HERC2: variants seen among roughly 807,000 people sequenced by gnomAD.
HERC2 encodes the protein E3 ubiquitin-protein ligase HERC2.
Under a neutral mutation model 537.7 loss-of-function variants are expected in HERC2, and 102 were observed. The ratio of observed to expected loss-of-function variants is 0.19; its 90% CI spans 0.16 to 0.22. The LOEUF is 0.22. Ranked by LOEUF, HERC2 falls within the 10% of genes least tolerant of loss-of-function variation. The pLI, the probability that HERC2 is intolerant of heterozygous loss-of-function variation, is 1.00. For missense variants in HERC2, 4,236 were observed against 6,198.2 expected, an observed-to-expected ratio of 0.68 and a Z score of 10.63; for synonymous variants, 2,224 against 2,466.2, an observed-to-expected ratio of 0.90 and a Z score of 2.91.
intron 2 of HERC2, among the ~76,000 whole-genome samples, chr15:28,303,492 C>T (rs1241166801): frequency 6.6e-6 from 1 of 152,160 alleles, no homozygotes; most frequent in African/African-American, 2.4e-5. Context: ...GCAATTTCTC[C>T]AGTTTTGTTT....
chr15:28,270,968 T>C, intron 9 of HERC2, 100 bp from the exon 10 acceptor site: 1 of 955,644 alleles, frequency 1.0e-6, no homozygotes, highest in Non-Finnish European at 1.6e-6. Context: ...ATTGACTCAT[T>C]TGACCCATCA....
At chr15:28,287,987 G>A (rs2076206750) in intron 4 of HERC2, among the ~76,000 whole-genome samples, 1 of 152,048 alleles carries the variant, frequency 6.6e-6, no homozygotes, top group South Asian at 2.1e-4. Flanking sequence ...GCCTCCCAAA[G>A]TGCTGGGATT....
At chr15:28,281,164 T>C (rs937391362) in intron 4 of HERC2, among the ~76,000 whole-genome samples, 2 of 152,158 alleles carry the variant, frequency 1.3e-5, no homozygotes, top group Admixed American at 1.3e-4. Flanking sequence ...TGATATTTCA[T>C]TATATTATTC....
At chr15:28,159,423 GT>G (rs1187645019) in intron 69 of HERC2, among the ~76,000 whole-genome samples, 1 of 152,142 alleles carries the variant, frequency 6.6e-6, no homozygotes, top group East Asian at 1.9e-4. Flanking sequence ...TTTCTTGGAG[GT>G]TTTGTTCATT....
chr15:28,293,337 C>G (rs991916745), intron 3 of HERC2, among the ~76,000 whole-genome samples: 1 of 151,734 alleles, frequency 6.6e-6, no homozygotes, highest in Non-Finnish European at 1.5e-5. Context: ...ACTAAAAATA[C>G]AAAAAATTAG....
intron 69 of HERC2, among the ~76,000 whole-genome samples, chr15:28,158,233 C>CTGTA (rs763036039): frequency 4.6e-5 from 7 of 152,124 alleles, no homozygotes; most frequent in African/African-American, 7.2e-5. Flanking sequence ...GTGGAGAGTT[C>CTGTA]TGTAGATGTC....
At chr15:28,161,645 T>C (rs1350674584) in intron 69 of HERC2, among the ~76,000 whole-genome samples, 1 of 152,258 alleles carries the variant, frequency 6.6e-6, no homozygotes, top group Non-Finnish European at 1.5e-5. Context: ...GTTCCTCAGG[T>C]GCACTAGCCA....
At chr15:28,270,401 C>T (rs2075689712) in intron 10 of HERC2, among the ~76,000 whole-genome samples, 1 of 152,042 alleles carries the variant, frequency 6.6e-6, no homozygotes, top group African/African-American at 2.4e-5. Context: ...GTGGAACCCC[C>T]TGCAGAAGGT....
At chr15:28,139,234 T>C (rs953336527) in intron 78 of HERC2, among the ~76,000 whole-genome samples, 1 of 152,202 alleles carries the variant, frequency 6.6e-6, no homozygotes, top group Non-Finnish European at 1.5e-5. Context: ...ATGAGCAGAA[T>C]AGGGCAAGAA....
At chr15:28,207,363 T>A (rs948244019) in intron 44 of HERC2, among the ~76,000 whole-genome samples, 3 of 152,188 alleles carry the variant, frequency 2.0e-5, no homozygotes, top group African/African-American at 7.2e-5. Context: ...CTCGAACTCC[T>A]GACCTCAGGT....
chr15:28,150,759 C>T (rs116842964), intron 70 of HERC2, among the ~76,000 whole-genome samples: 3,374 of 151,500 alleles, frequency 0.022, 64 homozygotes, highest in Middle Eastern at 0.12. Flanking sequence ...GCCACACGAA[C>T]GTATATTCTA....
At chr15:28,175,739 C>T in intron 63 of HERC2, 83 bp from the exon 64 acceptor site, 7 of 1,379,984 alleles carry the variant, frequency 5.1e-6, no homozygotes, top group Non-Finnish European at 3.1e-6. Context: ...TGTCTCACAT[C>T]TTTCACAGCC....
At chr15:28,164,395 T>C (rs1340451467) in intron 68 of HERC2, among the ~76,000 whole-genome samples, 1 of 152,230 alleles carries the variant, frequency 6.6e-6, no homozygotes, top group Non-Finnish European at 1.5e-5. Flanking sequence ...TGCTCCTGCC[T>C]CTGCATGGAG....
At chr15:28,161,803 T>C (rs915475535) in intron 69 of HERC2, among the ~76,000 whole-genome samples, 4 of 152,300 alleles carry the variant, frequency 2.6e-5, no homozygotes, top group Middle Eastern at 3.4e-3. Context: ...TAAAATACCA[T>C]AGTATCAGAA....
At position 28,271,400 on chromosome 15, in the gene HERC2, C is replaced by T. The variant is rs144004939; in HGVS notation, c.1084-532G>A. On this transcript the variant is annotated intron_variant, in intron 9 of 92. Coordinates refer to ENST00000261609, the MANE Select transcript of HERC2 (RefSeq NM_004667.6). The stretch of plus-strand genomic sequence containing the variant: ...ATAATAGGCTGGGCATGGTGGCTCA[C>T]GCCTGTAATCCCAGCACTTTGGGAG... Among the ~76,000 whole-genome samples, 61 of 152,316 alleles carry T rather than the reference C, an allele frequency of 4.0e-4. 1 individual carries two copies. Among genetic ancestry groups the T allele is most frequent in the Non-Finnish European group, 4.4e-5 (3 of 68,036 alleles).
rs142749105 is a variant in HERC2, at chr15:28,247,718, A to G, written c.3236-821T>C. 7.2e-5 allele frequency among the ~76,000 whole-genome samples: 11 copies of G among 152,158 alleles called. No homozygotes were observed. The South Asian group carries it at 1.5e-3, about 20-fold the overall frequency. The stretch of plus-strand genomic sequence containing the variant: ...GCTGGGATTACAGGCGTGAGCCACC[A>G]CACCCAGCCTCCTACATGGTTCTTA... On this transcript the variant is annotated intron_variant, in intron 21 of 92. Coordinates refer to ENST00000261609, the MANE Select transcript of HERC2 (RefSeq NM_004667.6).
chr15:28,287,560 T>G (rs2076189934), intron 4 of HERC2, among the ~76,000 whole-genome samples: 1 of 152,094 alleles, frequency 6.6e-6, no homozygotes, highest in Non-Finnish European at 1.5e-5. Flanking sequence ...AACAACAGAT[T>G]TTTAAAATCA....
chr15:28,315,230 T>C (rs963079572), intron 2 of HERC2, among the ~76,000 whole-genome samples: 1 of 152,238 alleles, frequency 6.6e-6, no homozygotes, highest in African/African-American at 2.4e-5. Context: ...TCATCTCTCC[T>C]TGTAAAGTGG....
chr15:28,144,068 G>A lies in HERC2; in HGVS notation c.11299+9C>T. On this transcript the variant is annotated intron_variant, in intron 73 of 92. Coordinates refer to ENST00000261609, the MANE Select transcript of HERC2 (RefSeq NM_004667.6). ...GGAAGACAGATGTAACTGTAATGGTGGCATTTACCTAGGGCACTCAGCTGT... is the reference window on the plus strand; with the variant it reads ...GGAAGACAGATGTAACTGTAATGGTAGCATTTACCTAGGGCACTCAGCTGT... The A allele has an allele frequency of 1.9e-6, 3 of 1,614,138 alleles. No homozygotes were observed. The highest frequency in any genetic ancestry group is 2.2e-5 in the South Asian group (2 of 91,084).
Sources: gnomAD v4.1 joint callset for allele counts (sites outside exome capture counted in the v4.1 genomes callset) on GRCh38, gnomAD v4.1.1 for gene constraint, MANE v1.5 for transcripts, NCBI Gene and HGNC (gene_info 2026-07-23, HGNC 2026-07-21) for gene names.